The following FSIP1 variants were observed in gnomAD, a reference collection of about 807,000 sequenced individuals.
FSIP1 encodes the protein fibrous sheath-interacting protein 1.
Under a neutral mutation model 60.9 loss-of-function variants are expected in FSIP1, and 65 were observed. The observed-to-expected ratio is 1.07, with a 90% CI of 0.87 to 1.31. The LOEUF (loss-of-function observed/expected upper bound fraction) is 1.31. Ranked by LOEUF, FSIP1 falls within the 40% of genes most tolerant of loss-of-function variation. The probability of loss-of-function intolerance (pLI) is 0.00; values close to 1 mark genes in which losing one functional copy is unlikely to be tolerated. For synonymous variants in FSIP1, 209 were observed against 221.2 expected, an observed-to-expected ratio of 0.94 and a Z score of 0.49; for missense variants, 675 against 665.5, an observed-to-expected ratio of 1.01 and a Z score of -0.16.
chr15:39,647,161 G>T (rs1892652039), intron 10 of FSIP1, among the ~76,000 whole-genome samples: 1 of 152,178 alleles, frequency 6.6e-6, no homozygotes, highest in Admixed American at 6.5e-5. Flanking sequence ...CATGTAAGAT[G>T]AACAAGTCTG....
intron 10 of FSIP1, among the ~76,000 whole-genome samples, chr15:39,671,649 A>G (rs1211967393): frequency 6.6e-6 from 1 of 152,180 alleles, no homozygotes; most frequent in Non-Finnish European, 1.5e-5. Flanking sequence ...AGGGCAGTGG[A>G]GTCCTGCATT....
At position 39,683,770 on chromosome 15, in the gene FSIP1, T is replaced by C. The variant is rs149820393; in HGVS notation, c.1188+29674A>G. 6.0e-3 allele frequency among the ~76,000 whole-genome samples: 919 copies of C among 152,328 alleles called. 9 individuals are homozygous for C. Among genetic ancestry groups the C allele is most frequent in the African/African-American group, 0.021 (862 of 41,574 alleles). On this transcript the variant is annotated intron_variant, in intron 10 of 11. Coordinates refer to ENST00000350221, the MANE Select transcript of FSIP1 (RefSeq NM_152597.5). ...AACACAAAAATTAACCATTTTTCTA[T>C]ATATACACTTCTTGTATACATAGAA...
At chr15:39,710,306 AC>A (rs1187378078) in intron 10 of FSIP1, among the ~76,000 whole-genome samples, 1 of 151,916 alleles carries the variant, frequency 6.6e-6, no homozygotes, top group Non-Finnish European at 1.5e-5. Flanking sequence ...AACAAGGCAA[AC>A]CCCCGTCTCT....
chr15:39,691,902 T>C (rs992915217), intron 10 of FSIP1, among the ~76,000 whole-genome samples: 1 of 151,792 alleles, frequency 6.6e-6, no homozygotes. Flanking sequence ...AGAGAGCGAG[T>C]GATAGATAGA....
At chr15:39,719,166 C>CAA (rs1230161840) in intron 9 of FSIP1, among the ~76,000 whole-genome samples, 2 of 152,144 alleles carry the variant, frequency 1.3e-5, no homozygotes, top group African/African-American at 4.8e-5. Flanking sequence ...TGCCCAGCTG[C>CAA]AAAAAGCTCT....
chr15:39,726,523 A>G (rs1180865495), intron 9 of FSIP1, 66 bp downstream of exon 9: 26 of 1,549,766 alleles, frequency 1.7e-5, no homozygotes, highest in Non-Finnish European at 2.2e-5. Flanking sequence ...TAACAACCAG[A>G]TTGTAAAATT....
intron 10 of FSIP1, among the ~76,000 whole-genome samples, chr15:39,669,683 G>C (rs28581473): frequency 0.59 from 89,261 of 152,002 alleles, 27,374 homozygotes; most frequent in Non-Finnish European, 0.7. Flanking sequence ...AAAGTTATGA[G>C]GCTAAAAATT....
At chr15:39,666,676 GT>G (rs1334779750) in intron 10 of FSIP1, among the ~76,000 whole-genome samples, 1 of 152,158 alleles carries the variant, frequency 6.6e-6, no homozygotes, top group Admixed American at 6.5e-5. Context: ...ACATCTAAGT[GT>G]TCTCGTGTTT....
chr15:39,643,256 AT>A (rs1277255059), intron 10 of FSIP1, among the ~76,000 whole-genome samples: 1 of 152,260 alleles, frequency 6.6e-6, no homozygotes, highest in Admixed American at 6.5e-5. Flanking sequence ...TTAGGAAAAC[AT>A]TTAAAAGATG....
chr15:39,652,509 C>T (rs1263487743), intron 10 of FSIP1, among the ~76,000 whole-genome samples: 3 of 152,152 alleles, frequency 2.0e-5, no homozygotes, highest in Admixed American at 6.5e-5. Flanking sequence ...TTGCACATTT[C>T]GGGTGATTAA....
At chr15:39,721,871 A>T (rs1895996111) in intron 9 of FSIP1, among the ~76,000 whole-genome samples, 1 of 152,214 alleles carries the variant, frequency 6.6e-6, no homozygotes, top group African/African-American at 2.4e-5. Context: ...ATAGGAATTT[A>T]CCTAATTTTT....
chr15:39,610,091 G>C (rs1890970799), intron 11 of FSIP1, among the ~76,000 whole-genome samples: 1 of 151,924 alleles, frequency 6.6e-6, no homozygotes. Flanking sequence ...ACAACAAAAA[G>C]AAACTAATAA....
At chr15:39,678,172 T>A (rs1431077761) in intron 10 of FSIP1, among the ~76,000 whole-genome samples, 1 of 152,032 alleles carries the variant, frequency 6.6e-6, no homozygotes. Context: ...TACACCAAAT[T>A]GTTAACATAT....
chr15:39,762,575 T>C (rs1262118670), intron 5 of FSIP1, among the ~76,000 whole-genome samples: 1 of 152,232 alleles, frequency 6.6e-6, no homozygotes, highest in African/African-American at 2.4e-5. Flanking sequence ...CATCATCTTC[T>C]CTCTGCATAG....
chr15:39,608,483 T>G (rs1488302381), intron 11 of FSIP1, among the ~76,000 whole-genome samples: 1 of 152,200 alleles, frequency 6.6e-6, no homozygotes, highest in African/African-American at 2.4e-5. Flanking sequence ...AATGATTGCA[T>G]CCAATTTTGT....
At chr15:39,716,593 G>A (rs1406976182) in intron 9 of FSIP1, among the ~76,000 whole-genome samples, 1 of 152,142 alleles carries the variant, frequency 6.6e-6, no homozygotes, top group Non-Finnish European at 1.5e-5. Context: ...TAAAAGCTAT[G>A]TGCATGACAA....
At chr15:39,724,943 T>C (rs1896131216) in intron 9 of FSIP1, among the ~76,000 whole-genome samples, 1 of 152,200 alleles carries the variant, frequency 6.6e-6, no homozygotes, top group Admixed American at 6.5e-5. Flanking sequence ...GTCAAAGTCC[T>C]GGGATACGGC....
At chr15:39,653,893 C>T (rs1892972632) in intron 10 of FSIP1, among the ~76,000 whole-genome samples, 1 of 152,284 alleles carries the variant, frequency 6.6e-6, no homozygotes, top group East Asian at 1.9e-4. Context: ...TCATCAGCAG[C>T]GTGAAACAGA....
At chr15:39,694,154 G>A (rs1363557249) in intron 10 of FSIP1, among the ~76,000 whole-genome samples, 1 of 151,530 alleles carries the variant, frequency 6.6e-6, no homozygotes, top group Non-Finnish European at 1.5e-5. Flanking sequence ...CTCTGCAAAT[G>A]ATACCAAGAG....
Sources: gnomAD v4.1 joint callset for allele counts (sites outside exome capture counted in the v4.1 genomes callset) on GRCh38, gnomAD v4.1.1 for gene constraint, MANE v1.5 for transcripts, NCBI Gene and HGNC (gene_info 2026-07-23, HGNC 2026-07-21) for gene names.